Variants in TIAM2 observed in about 807,000 individuals in gnomAD.
TIAM2 encodes the protein rho guanine nucleotide exchange factor TIAM2.
Under a neutral mutation model 152.9 loss-of-function variants are expected in TIAM2, and 80 were observed. That is an observed-to-expected ratio of 0.52 (90% CI 0.44 to 0.63). The LOEUF (loss-of-function observed/expected upper bound fraction) is 0.63, where lower values mean the gene tolerates loss of function less well. Among genes scored for constraint, TIAM2 ranks in the 30% least tolerant of loss-of-function variants. The pLI is 0.00. For synonymous variants in TIAM2, 804 were observed against 838.0 expected, an observed-to-expected ratio of 0.96 and a Z score of 0.70; for missense variants, 1,965 against 2,120.1, an observed-to-expected ratio of 0.93 and a Z score of 1.44.
In TIAM2 at chr6:155,110,295, C is replaced by T. The variant is rs1778807188; in HGVS notation, c.-117-17195C>T. On this transcript the variant is annotated intron_variant, in intron 2 of 26. Coordinates refer to ENST00000682666, the MANE Select transcript of TIAM2 (RefSeq NM_012454.4). ...CCTTTCCTCCCTTTGTCCATCCTTC[C>T]TTCTTCCTTTCCTCTTTCTTTTCTT... 2.7e-5 allele frequency among the ~76,000 whole-genome samples: 4 copies of T among 148,226 alleles called. No individual in the cohort carries two copies. The South Asian group carries it at 8.5e-4, about 32-fold the overall frequency.
chr6:155,069,655 T>C lies in TIAM2; in HGVS notation c.-208-20634T>C, dbSNP rs562535928. ...TGATCATTGTATACAGTAATTTTAG[T>C]ATAGTATCTAACATTACACTAGTAT... On this transcript the variant is annotated intron_variant, in intron 1 of 26. Coordinates refer to ENST00000682666, the MANE Select transcript of TIAM2 (RefSeq NM_012454.4). 1.4e-4 allele frequency among the ~76,000 whole-genome samples: 21 copies of C among 152,346 alleles called. No individual in the cohort carries two copies. The South Asian group carries it at 3.9e-3, about 29-fold the overall frequency.
rs150780665 is a variant in TIAM2, at chr6:155,248,035, G to T, written c.3688G>T (p.Ala1230Ser). 1.2e-6 allele frequency: 2 copies of T among 1,614,000 alleles called. No homozygotes were observed. The highest frequency in any genetic ancestry group is 1.7e-6 in the Non-Finnish European group (2 of 1,179,994). The change falls in exon 20 of 27, where the codon GCC becomes TCC. Residue 1230 changes from alanine to serine, a missense_variant. Around this residue, in one of 3 missense-constraint regions of TIAM2, gnomAD observed 935 missense variants for 980.0 expected, o/e 0.95. Transcript: ENST00000682666. ...TDKAFKAFLD[A>S]RNPTKQHSST... is the part of the protein sequence containing the mutation. Reference sequence around the variant, plus strand: ...CAAAGCCTTCAAGGCTTTTCTGGACGCCCGGAACCCCACCAAGCAGCATTC... The same window carrying T: ...CAAAGCCTTCAAGGCTTTTCTGGACTCCCGGAACCCCACCAAGCAGCATTC...
chr6:155,198,816 G>A (rs960189538), intron 14 of TIAM2, among the ~76,000 whole-genome samples: 2 of 152,082 alleles, frequency 1.3e-5, no homozygotes, highest in African/African-American at 4.8e-5. Flanking sequence ...GAATGGTGCC[G>A]AGACTTTCTT....
intron 15 of TIAM2, among the ~76,000 whole-genome samples, chr6:155,235,326 T>G (rs1782697853): frequency 6.6e-6 from 1 of 152,216 alleles, no homozygotes; most frequent in South Asian, 2.1e-4. Flanking sequence ...CACTGAAGAC[T>G]TAGAATCGAG....
At chr6:155,173,709 A>C (rs1780692487) in intron 9 of TIAM2, among the ~76,000 whole-genome samples, 1 of 152,236 alleles carries the variant, frequency 6.6e-6, no homozygotes, top group African/African-American at 2.4e-5. Context: ...AGGATGCAGA[A>C]GACAAAGCCT....
intron 1 of TIAM2, among the ~76,000 whole-genome samples, chr6:155,062,763 C>T (rs908583207): frequency 5.9e-5 from 9 of 151,674 alleles, no homozygotes; most frequent in Admixed American, 1.3e-4. Context: ...TTAGTTGAGA[C>T]GGGGTTTCAC....
At chr6:155,003,035 T>A (rs1411512860) in intron 1 of TIAM2, among the ~76,000 whole-genome samples, 1 of 152,122 alleles carries the variant, frequency 6.6e-6, no homozygotes, top group Admixed American at 6.6e-5. Flanking sequence ...TCCAGCCTGG[T>A]GCTTTAGTGA....
chr6:155,248,284 C>A, intron 20 of TIAM2, 105 bp downstream of exon 20: 3 of 1,300,910 alleles, frequency 2.3e-6, no homozygotes, highest in Non-Finnish European at 3.1e-6. Flanking sequence ...CCTAGTGGCA[C>A]GTCCTAAGTC....
rs753572495 is a variant in TIAM2 at position 155,224,119 on chromosome 6, C to G, written c.3168+12812C>G. 2.6e-5 allele frequency among the ~76,000 whole-genome samples: 4 copies of G among 151,578 alleles called. No homozygotes were observed. The East Asian group carries it at 7.7e-4, about 29-fold the overall frequency. On this transcript the variant is annotated intron_variant, in intron 15 of 26. Coordinates refer to ENST00000682666, the MANE Select transcript of TIAM2 (RefSeq NM_012454.4). ...TGGCTGCCTTCTGTCAATATTCTTG[C>G]GTAGAGATTGTAGTCCAATGAAAAC...
chr6:155,093,630 A>G (rs939875563), intron 2 of TIAM2, among the ~76,000 whole-genome samples: 1 of 152,222 alleles, frequency 6.6e-6, no homozygotes, highest in African/African-American at 2.4e-5. Flanking sequence ...AGCTGTGGAA[A>G]GATGAGATGG....
In TIAM2 at chr6:155,257,360, A is replaced by T; in HGVS notation, c.*239A>T. The T allele has an allele frequency of 2.0e-6, 1 of 501,606 alleles. No individual in the cohort carries two copies. Among genetic ancestry groups the T allele is most frequent in the Non-Finnish European group, 3.5e-6 (1 of 287,332 alleles). The allele number at this position is 501,606 out of a possible 1,614,324, so 31.1% of individuals were successfully genotyped here. On this transcript the variant is annotated 3_prime_UTR_variant, in exon 27 of 27. Transcript: ENST00000682666. ...TAGTTTATATCCACTTTGAGCAGGT[A>T]TCAAATGATTTAGGATCCTTAAAAT...
At chr6:155,203,936 G>C (rs1400930469) in intron 14 of TIAM2, among the ~76,000 whole-genome samples, 1 of 152,136 alleles carries the variant, frequency 6.6e-6, no homozygotes, top group Non-Finnish European at 1.5e-5. Context: ...ACGGGGAGGG[G>C]CAGAGGCAAT....
At chr6:155,027,349 G>C (rs1404020916) in intron 1 of TIAM2, among the ~76,000 whole-genome samples, 1 of 140,168 alleles carries the variant, frequency 7.1e-6, no homozygotes, top group East Asian at 2.2e-4. Context: ...TATATATACT[G>C]TGTTACATAT....
At chr6:155,224,762 T>G (rs1222834564) in intron 15 of TIAM2, among the ~76,000 whole-genome samples, 5 of 152,214 alleles carry the variant, frequency 3.3e-5, no homozygotes, top group Admixed American at 6.5e-5. Flanking sequence ...AGTCCTCTGG[T>G]GTTTTCAGAA....
intron 7 of TIAM2, among the ~76,000 whole-genome samples, chr6:155,154,570 A>T (rs914643875): frequency 2.4e-4 from 37 of 152,002 alleles, no homozygotes; most frequent in African/African-American, 7.8e-4. Context: ...AATTAAGTCC[A>T]GTTAGTACTT....
intron 1 of TIAM2, among the ~76,000 whole-genome samples, chr6:155,076,369 A>G (rs917674531): frequency 6.6e-6 from 1 of 152,202 alleles, no homozygotes; most frequent in Non-Finnish European, 1.5e-5. Flanking sequence ...TTAGTTATTC[A>G]TCCTTACGAA....
At chr6:155,088,300 C>T (rs7738946) in intron 1 of TIAM2, among the ~76,000 whole-genome samples, 8,366 of 152,060 alleles carry the variant, frequency 0.055, 790 homozygotes, top group African/African-American at 0.19. Flanking sequence ...AGGCTGGTCT[C>T]GAACTCACGA....
At chr6:155,215,202 C>G (rs1481234948) in intron 15 of TIAM2, among the ~76,000 whole-genome samples, 6 of 152,118 alleles carry the variant, frequency 3.9e-5, no homozygotes, top group African/African-American at 1.2e-4. Flanking sequence ...AAAGTTAGCA[C>G]GTTAAGGCCA....
At chr6:155,123,133 A>G (rs546811727) in intron 2 of TIAM2, among the ~76,000 whole-genome samples, 28 of 152,102 alleles carry the variant, frequency 1.8e-4, no homozygotes, top group Admixed American at 6.6e-4. Flanking sequence ...CCTTCCTGTC[A>G]ATAAATTTCT....
Sources: gnomAD v4.1 joint callset for allele counts (sites outside exome capture counted in the v4.1 genomes callset) on GRCh38, gnomAD v4.1.1 for gene constraint, gnomAD v4.1.1 regional missense constraint, MANE v1.5 for transcripts, NCBI Gene and HGNC (gene_info 2026-07-23, HGNC 2026-07-21) for gene names.